The following PDE11A variants were observed in gnomAD, a reference collection of about 807,000 sequenced individuals.
PDE11A encodes the protein dual 3',5'-cyclic-AMP and -GMP phosphodiesterase 11A.
Under a neutral mutation model 100.5 loss-of-function variants are expected in PDE11A, and 100 were observed. That is an observed-to-expected ratio of 1.00 (90% CI 0.85 to 1.18). The LOEUF is 1.18. PDE11A is among the 50% of genes most tolerant of loss of function. PDE11A has a pLI of 0.00. For synonymous variants in PDE11A, 381 were observed against 420.8 expected, an observed-to-expected ratio of 0.91 and a Z score of 1.16; for missense variants, 1,141 against 1,152.6, an observed-to-expected ratio of 0.99 and a Z score of 0.15.
chr2:177,696,902 A>G (rs536701610), intron 15 of PDE11A, among the ~76,000 whole-genome samples: 46 of 152,312 alleles, frequency 3.0e-4, no homozygotes, highest in African/African-American at 1.0e-3. Context: ...AAGCCCTTCT[A>G]AGAAAGAGAT....
At chr2:177,682,030 G>T (rs1482841114) in intron 15 of PDE11A, among the ~76,000 whole-genome samples, 2 of 152,074 alleles carry the variant, frequency 1.3e-5, no homozygotes, top group African/African-American at 4.8e-5. Flanking sequence ...TAAGAGCTTG[G>T]CACCTTTTAA....
chr2:178,106,005 G>T (rs1228553513), intron 1 of PDE11A, among the ~76,000 whole-genome samples: 1 of 152,172 alleles, frequency 6.6e-6, no homozygotes, highest in Non-Finnish European at 1.5e-5. Context: ...CAGACATCAT[G>T]AAAATACCAA....
chr2:177,780,516 C>G (rs1329485219), intron 9 of PDE11A, among the ~76,000 whole-genome samples: 1 of 152,220 alleles, frequency 6.6e-6, no homozygotes, highest in African/African-American at 2.4e-5. Flanking sequence ...AAGACATTGA[C>G]TTCTCCTCTC....
chr2:177,980,168 G>T (rs2085863863), intron 2 of PDE11A, among the ~76,000 whole-genome samples: 1 of 149,788 alleles, frequency 6.7e-6, no homozygotes, highest in South Asian at 2.2e-4. Flanking sequence ...AAAAAAAAAC[G>T]AAGAATACCA....
At chr2:177,632,305 G>A (rs1161334860) in intron 19 of PDE11A, among the ~76,000 whole-genome samples, 1 of 152,140 alleles carries the variant, frequency 6.6e-6, no homozygotes, top group African/African-American at 2.4e-5. Flanking sequence ...ATGATGATGA[G>A]GAGACTGAAG....
At chr2:177,886,789 A>G (rs2084439470) in intron 4 of PDE11A, among the ~76,000 whole-genome samples, 1 of 152,212 alleles carries the variant, frequency 6.6e-6, no homozygotes, top group African/African-American at 2.4e-5. Context: ...TTTTCCAAAA[A>G]CAGAGCAAAG....
Position 177,845,171 on chromosome 2 carries a change from A to AC in PDE11A, c.1368-4789dup, listed in dbSNP as rs1165004625. Reference sequence around the variant, plus strand: ...GGGCGGCTGGCCGGGCGGGGGGCTGACCCCCCCCACCTCCCTCCCGGACGG... The same window carrying AC: ...GGGCGGCTGGCCGGGCGGGGGGCTGACCCCCCCCCACCTCCCTCCCGGACGG... On this transcript the variant is annotated intron_variant, in intron 5 of 19. Transcript: ENST00000286063. Among the ~76,000 whole-genome samples the AC allele has an allele frequency of 1.4e-3, 174 of 128,752 alleles. 1 individual carries two copies. The East Asian group carries it at 0.033, about 24-fold the overall frequency. The allele number at this position is 128,752 out of a possible 152,430, so 84.5% of individuals were successfully genotyped here.
At chr2:178,093,227 C>T (rs1260258442) in intron 2 of PDE11A, among the ~76,000 whole-genome samples, 1 of 152,176 alleles carries the variant, frequency 6.6e-6, no homozygotes, top group Non-Finnish European at 1.5e-5. Flanking sequence ...CCACCAAAGA[C>T]ATGTTATGCT....
At chr2:178,039,190 A>C (rs1017411350) in intron 1 of PDE11A, among the ~76,000 whole-genome samples, 1 of 152,228 alleles carries the variant, frequency 6.6e-6, no homozygotes, top group African/African-American at 2.4e-5. Context: ...CATGGATACT[A>C]TGCAGCCATA....
chr2:177,857,226 A>G (rs932027053), intron 5 of PDE11A, among the ~76,000 whole-genome samples: 2 of 152,012 alleles, frequency 1.3e-5, no homozygotes, highest in East Asian at 3.8e-4. Context: ...ATGAAAAATT[A>G]AGACATTCTC....
intron 19 of PDE11A, among the ~76,000 whole-genome samples, chr2:177,636,413 A>G (rs901594348): frequency 2.4e-4 from 37 of 152,294 alleles, no homozygotes; most frequent in African/African-American, 7.5e-4. Context: ...CTCTTACAGC[A>G]TATCAATCAT....
chr2:178,070,227 T>G (rs1008646438), intron 1 of PDE11A, among the ~76,000 whole-genome samples: 1 of 152,214 alleles, frequency 6.6e-6, no homozygotes, highest in African/African-American at 2.4e-5. Flanking sequence ...AATAATGCAC[T>G]TAGTCTATAA....
intron 2 of PDE11A, among the ~76,000 whole-genome samples, chr2:177,945,696 C>A (rs1165311249): frequency 2.0e-3 from 266 of 133,770 alleles, no homozygotes; most frequent in African/African-American, 6.8e-3. Context: ...GGAGCGTCTC[C>A]GCCCGGCAGC....
intron 6 of PDE11A, among the ~76,000 whole-genome samples, chr2:177,836,827 G>A (rs1574196389): frequency 6.6e-6 from 1 of 152,138 alleles, no homozygotes; most frequent in African/African-American, 2.4e-5. Context: ...CACTCACCAC[G>A]AAGGTCTGCA....
chr2:177,672,690 C>T (rs6708869), intron 17 of PDE11A, among the ~76,000 whole-genome samples: 5,929 of 151,972 alleles, frequency 0.039, 406 homozygotes, highest in African/African-American at 0.14. Flanking sequence ...GACTGTTTTG[C>T]GAGGAATTAC....
chr2:177,906,066 G>T (rs1303057737), intron 2 of PDE11A, among the ~76,000 whole-genome samples: 1 of 152,088 alleles, frequency 6.6e-6, no homozygotes, highest in South Asian at 2.1e-4. Flanking sequence ...TAAATTCTTC[G>T]CAATGTAGAT....
chr2:177,896,502 A>T (rs1357809376), intron 4 of PDE11A, among the ~76,000 whole-genome samples: 1 of 148,700 alleles, frequency 6.7e-6, no homozygotes, highest in African/African-American at 2.4e-5. Context: ...ACTTGCTCCC[A>T]CAGGGACCTT....
At chr2:177,772,264 A>T (rs2082321667) in intron 9 of PDE11A, among the ~76,000 whole-genome samples, 1 of 152,124 alleles carries the variant, frequency 6.6e-6, no homozygotes. Flanking sequence ...TCTACTGGGA[A>T]ATTTTAACCA....
intron 1 of PDE11A, among the ~76,000 whole-genome samples, chr2:178,039,942 C>T (rs978777064): frequency 6.6e-6 from 1 of 151,768 alleles, no homozygotes; most frequent in Admixed American, 6.6e-5. Flanking sequence ...GTGGCAAAGT[C>T]ATGGGGAGGG....
Sources: gnomAD v4.1 joint callset for allele counts (sites outside exome capture counted in the v4.1 genomes callset) on GRCh38, gnomAD v4.1.1 for gene constraint, MANE v1.5 for transcripts, NCBI Gene and HGNC (gene_info 2026-07-23, HGNC 2026-07-21) for gene names.